Variants in DACH2 observed in about 807,000 individuals in gnomAD.
The protein encoded by DACH2 is dachshund homolog 2.
A neutral mutation model predicts 35.8 loss-of-function variants in DACH2; 17 were observed. The observed-to-expected ratio is 0.48, with a 90% CI of 0.33 to 0.71. The LOEUF is 0.71. Ranked by LOEUF, DACH2 falls within the 30% of genes least tolerant of loss-of-function variation. The pLI is 0.02. For missense variants in DACH2, 469 were observed against 472.7 expected (o/e 0.99, Z 0.07); for synonymous variants, 195 against 177.3 (o/e 1.10, Z -0.79).
At chrX:86,535,891 T>C (rs2038791647) in intron 3 of DACH2, among the ~76,000 whole-genome samples, 1 of 111,277 alleles carries the variant, frequency 9.0e-6, no homozygotes, top group African/African-American at 3.3e-5. Context: ...TTAACATGTC[T>C]CAGATCTTGA....
At chrX:86,801,843 T>C (rs1258864581) in intron 7 of DACH2, among the ~76,000 whole-genome samples, 2 of 112,258 alleles carry the variant, frequency 1.8e-5, no homozygotes, top group Non-Finnish European at 3.8e-5. Flanking sequence ...GAAAAATATT[T>C]TCCTTTTATT....
intron 4 of DACH2, among the ~76,000 whole-genome samples, chrX:86,686,210 G>A (rs747490983): frequency 1.1e-4 from 12 of 111,016 alleles, no homozygotes; most frequent in Non-Finnish European, 2.3e-4. Flanking sequence ...TAGAATTGAA[G>A]GGTATTTTTA....
intron 11 of DACH2, among the ~76,000 whole-genome samples, chrX:86,819,977 TA>T (rs965885260): frequency 1.8e-5 from 2 of 111,129 alleles, no homozygotes; most frequent in Non-Finnish European, 3.8e-5. Flanking sequence ...TTCCTAAATT[TA>T]AAAAAAATGA....
chrX:86,635,062 G>A (rs750655515), intron 3 of DACH2, among the ~76,000 whole-genome samples: 22 of 105,567 alleles, frequency 2.1e-4, no homozygotes, highest in East Asian at 1.0e-3. Flanking sequence ...GAGACATAAC[G>A]AAAGAAGAAA....
At chrX:86,297,380 T>C (rs763193352) in intron 1 of DACH2, among the ~76,000 whole-genome samples, 1 of 111,587 alleles carries the variant, frequency 9.0e-6, no homozygotes, top group Non-Finnish European at 1.9e-5. Context: ...TCAGTTGCAG[T>C]GGTGTGTGAG....
At chrX:86,479,356 G>A (rs1362812952) in intron 2 of DACH2, among the ~76,000 whole-genome samples, 2 of 110,848 alleles carry the variant, frequency 1.8e-5, no homozygotes, top group African/African-American at 6.6e-5. Context: ...GCACAGGCCT[G>A]AGGATGGAGC....
chrX:86,390,323 G>A (rs2036181681), intron 2 of DACH2, among the ~76,000 whole-genome samples: 1 of 111,787 alleles, frequency 8.9e-6, no homozygotes. Context: ...TAAGCTGTTA[G>A]GTTGTTTAAA....
intron 3 of DACH2, among the ~76,000 whole-genome samples, chrX:86,644,067 C>T (rs916757615): frequency 1.8e-5 from 2 of 110,941 alleles, no homozygotes; most frequent in African/African-American, 6.5e-5. Context: ...GACAAGGATG[C>T]CCTCTTTCAT....
At chrX:86,550,994 A>T (rs2039041569) in intron 3 of DACH2, among the ~76,000 whole-genome samples, 1 of 112,048 alleles carries the variant, frequency 8.9e-6, no homozygotes, top group African/African-American at 3.2e-5. Context: ...GTTCCTCATT[A>T]AATCATTTAT....
At chrX:86,414,051 G>T (rs770302120) in intron 2 of DACH2, among the ~76,000 whole-genome samples, 13 of 111,216 alleles carry the variant, frequency 1.2e-4, no homozygotes, top group Non-Finnish European at 1.9e-5. Flanking sequence ...ATGTGAGAAA[G>T]GTTCACTGCA....
At chrX:86,597,000 T>A (rs774625009) in intron 3 of DACH2, among the ~76,000 whole-genome samples, 2 of 111,769 alleles carry the variant, frequency 1.8e-5, no homozygotes, top group Non-Finnish European at 3.8e-5. Context: ...TACATGTCTA[T>A]CTTTACAAAA....
chrX:86,317,432 G>A (rs1465049034), intron 1 of DACH2, among the ~76,000 whole-genome samples: 1 of 112,161 alleles, frequency 8.9e-6, no homozygotes, highest in African/African-American at 3.2e-5. Context: ...TTGAGACACA[G>A]CTGGAGATTT....
intron 3 of DACH2, among the ~76,000 whole-genome samples, chrX:86,633,429 A>G (rs1460946456): frequency 3.6e-5 from 4 of 111,735 alleles, no homozygotes; most frequent in Non-Finnish European, 5.6e-5. Context: ...ACCAATAATA[A>G]GCTGTAAGAT....
At chrX:86,714,757 A>T in intron 6 of DACH2, 37 bp downstream of exon 6, 1 of 1,069,501 alleles carries the variant, frequency 9.4e-7, no homozygotes, top group South Asian at 2.6e-5. Context: ...AAAGGTGTCA[A>T]TTTCATGCAA....
intron 3 of DACH2, among the ~76,000 whole-genome samples, chrX:86,555,822 C>G (rs2039110519): frequency 9.0e-6 from 1 of 111,201 alleles, no homozygotes; most frequent in African/African-American, 3.3e-5. Context: ...GTAACGTGTC[C>G]ATCCCTCTGG....
intron 5 of DACH2, among the ~76,000 whole-genome samples, chrX:86,703,021 T>C (rs2041162090): frequency 9.0e-6 from 1 of 110,716 alleles, no homozygotes; most frequent in South Asian, 3.8e-4. Context: ...AAATCCTCAA[T>C]AAATTACAAG....
chrX:86,334,828 G>T (rs146912980), intron 1 of DACH2, among the ~76,000 whole-genome samples: 2,192 of 111,758 alleles, frequency 0.02, 47 homozygotes, highest in African/African-American at 0.067. Context: ...CATGAAGTGT[G>T]TGCCCATGCC....
chrX:86,356,802 T>G (rs1252451011), intron 1 of DACH2, among the ~76,000 whole-genome samples: 2 of 112,143 alleles, frequency 1.8e-5, no homozygotes, highest in Non-Finnish European at 3.8e-5. Flanking sequence ...TACTTTCTTT[T>G]CTTGAATTTT....
intron 2 of DACH2, among the ~76,000 whole-genome samples, chrX:86,418,004 A>G (rs558157787): frequency 2.7e-5 from 3 of 111,779 alleles, no homozygotes; most frequent in African/African-American, 9.8e-5. Flanking sequence ...TCTAGGCTCC[A>G]TGCAAGTCCA....
Sources: allele counts gnomAD v4.1 joint callset (sites outside exome capture counted in the v4.1 genomes callset), GRCh38; gene constraint gnomAD v4.1.1; transcripts MANE v1.5; gene names NCBI Gene and HGNC (gene_info 2026-07-23, HGNC 2026-07-21).